Variants in CFAP61 observed in about 807,000 individuals in gnomAD.
CFAP61 encodes the protein cilia- and flagella-associated protein 61.
CFAP61 carries 107 observed loss-of-function variants against 135.6 expected under a neutral mutation model. That is an observed-to-expected ratio of 0.79 (90% CI 0.67 to 0.93). CFAP61 has a LOEUF of 0.93. Among genes scored for constraint, CFAP61 ranks in the 40% least tolerant of loss-of-function variants. CFAP61 has a pLI of 0.00. For synonymous variants in CFAP61, 575 were observed against 578.5 expected (o/e 0.99, Z 0.09); for missense variants, 1,507 against 1,556.2 (o/e 0.97, Z 0.53).
intron 9 of CFAP61, among the ~76,000 whole-genome samples, chr20:20,152,922 T>A (rs2052578286): frequency 6.6e-6 from 1 of 152,156 alleles, no homozygotes; most frequent in Non-Finnish European, 1.5e-5. Context: ...GAATATACAT[T>A]CTTTTCATCA....
At chr20:20,269,175 G>GTATATACACACACACACATACATATATA (rs1569219461) in intron 21 of CFAP61, among the ~76,000 whole-genome samples, 2 of 58,810 alleles carry the variant, frequency 3.4e-5, no homozygotes, top group Admixed American at 1.8e-4. Context: ...ATACATATAT[G>GTATATACACACACACACATACATATATA]TATATACACA....
chr20:20,064,407 T>C (rs1297833841), intron 2 of CFAP61, among the ~76,000 whole-genome samples: 1 of 152,226 alleles, frequency 6.6e-6, no homozygotes, highest in East Asian at 1.9e-4. Context: ...CTTTTCAGCA[T>C]GTCTGAATTA....
In CFAP61 at chr20:20,228,388, C is replaced by A; in HGVS notation, c.2060+12C>A. On this transcript the variant is annotated intron_variant, in intron 18 of 26. Coordinates refer to ENST00000245957, the MANE Select transcript of CFAP61 (RefSeq NM_015585.4). ...ACATTGGTATTTTGGTGAGTTGTTT[C>A]ACTCTATTGATTGATTGGTTTTTAA... The A allele has an allele frequency of 1.3e-6, 2 of 1,599,334 alleles. No individual in the cohort carries two copies. Among genetic ancestry groups the A allele is most frequent in the Non-Finnish European group, 1.7e-6 (2 of 1,167,796 alleles).
At chr20:20,133,969 G>A (rs1277049909) in intron 8 of CFAP61, among the ~76,000 whole-genome samples, 1 of 152,100 alleles carries the variant, frequency 6.6e-6, no homozygotes, top group East Asian at 1.9e-4. Context: ...TCAACCTCTT[G>A]TCATTCATTC....
intron 13 of CFAP61, among the ~76,000 whole-genome samples, chr20:20,187,386 G>T (rs1201276111): frequency 6.6e-6 from 1 of 152,206 alleles, no homozygotes; most frequent in African/African-American, 2.4e-5. Flanking sequence ...GGGATCACAC[G>T]TGAGCAGAGG....
intron 17 of CFAP61, among the ~76,000 whole-genome samples, chr20:20,214,898 GGAGA>G (rs1420898827): frequency 6.6e-6 from 1 of 152,204 alleles, no homozygotes; most frequent in Non-Finnish European, 1.5e-5. Flanking sequence ...GAAGGAGAGT[GGAGA>G]GAGAGAAGCA....
chr20:20,210,234 TTAG>T (rs1165551508), intron 17 of CFAP61, among the ~76,000 whole-genome samples: 2 of 152,188 alleles, frequency 1.3e-5, no homozygotes, highest in Non-Finnish European at 2.9e-5. Context: ...TTTCCTGGCC[TTAG>T]CCAGAGGAAG....
chr20:20,273,204 T>C (rs1337567694), intron 21 of CFAP61, among the ~76,000 whole-genome samples: 1 of 152,084 alleles, frequency 6.6e-6, no homozygotes, highest in Non-Finnish European at 1.5e-5. Flanking sequence ...AATAGCACAT[T>C]AAAGACGTAA....
chr20:20,214,298 T>A lies in CFAP61; in HGVS notation c.1933-13951T>A, dbSNP rs577024961. On this transcript the variant is annotated intron_variant, in intron 17 of 26. Coordinates refer to ENST00000245957, the MANE Select transcript of CFAP61 (RefSeq NM_015585.4). The stretch of plus-strand genomic sequence containing the variant: ...TCGTTTCCACATAATCCCACTTAAG[T>A]TAGTCGCTGGAGTAGCTCCTTTGTG... The A allele has an allele frequency of 1.1e-4, 17 of 152,322 alleles. No homozygotes were observed. In the East Asian group the frequency reaches 2.9e-3, roughly 26 times the overall value. 9.4% of individuals were successfully genotyped at this position (152,322 alleles called of 1,614,324 possible). A position where few individuals can be genotyped will look rare whatever the true frequency, so the allele number is the denominator to read the frequency against.
At chr20:20,069,678 G>A (rs544074392) in intron 2 of CFAP61, 1 of 449,792 alleles carries the variant, frequency 2.2e-6, no homozygotes, top group East Asian at 7.0e-5. Flanking sequence ...GACAGTGGTT[G>A]GTTATCAATG....
chr20:20,095,702 G>T (rs2047515060), intron 7 of CFAP61: 1 of 152,302 alleles, frequency 6.6e-6, no homozygotes, highest in Non-Finnish European at 1.5e-5. Context: ...CCAGGGTGTG[G>T]GCAGCAGTGG....
chr20:20,248,184 G>A (rs1298858874), intron 19 of CFAP61, among the ~76,000 whole-genome samples: 1 of 152,198 alleles, frequency 6.6e-6, no homozygotes, highest in African/African-American at 2.4e-5. Context: ...TCTCAAGCAA[G>A]TGTTAGGGTC....
intron 19 of CFAP61, 52 bp from the exon 20 acceptor site, chr20:20,251,543 A>G: frequency 6.3e-7 from 1 of 1,581,694 alleles, no homozygotes; most frequent in South Asian, 1.1e-5. Flanking sequence ...TGTCTAATTA[A>G]TGCCCGCTGT....
chr20:20,115,575 C>G (rs1568935254), intron 8 of CFAP61, among the ~76,000 whole-genome samples: 1 of 152,002 alleles, frequency 6.6e-6, no homozygotes, highest in Non-Finnish European at 1.5e-5. Context: ...ACAAATTTTC[C>G]TCTCCTCCCC....
chr20:20,341,460 T>C (rs2058442794), intron 25 of CFAP61, among the ~76,000 whole-genome samples: 1 of 152,238 alleles, frequency 6.6e-6, no homozygotes, highest in South Asian at 2.1e-4. Flanking sequence ...TGTGTTATTG[T>C]CTACCCAAAT....
chr20:20,314,683 C>CTCCT (rs2057019298), intron 25 of CFAP61, among the ~76,000 whole-genome samples: 1 of 114,678 alleles, frequency 8.7e-6, no homozygotes. Context: ...CTATCCCTCC[C>CTCCT]CCACCCCCCC....
chr20:20,235,894 G>A (rs1457903521), intron 18 of CFAP61, among the ~76,000 whole-genome samples: 7 of 152,158 alleles, frequency 4.6e-5, no homozygotes, highest in Non-Finnish European at 1.0e-4. Flanking sequence ...CTCTGTGTGA[G>A]ACCCAGAGCA....
intron 17 of CFAP61, among the ~76,000 whole-genome samples, chr20:20,219,255 A>G (rs2048241263): frequency 6.6e-6 from 1 of 152,186 alleles, no homozygotes; most frequent in Admixed American, 6.5e-5. Flanking sequence ...ATTGCTAATA[A>G]AAGTCAATCA....
At position 20,085,789 on chromosome 20, in the gene CFAP61, T is replaced by A. The variant is rs142945624; in HGVS notation, c.567-5055T>A. Among the ~76,000 whole-genome samples, 72 of 152,378 alleles carry A rather than the reference T, an allele frequency of 4.7e-4. No homozygotes were observed. The East Asian group carries it at 0.013, about 27-fold the overall frequency. On this transcript the variant is annotated intron_variant, in intron 6 of 26. Coordinates refer to ENST00000245957, the MANE Select transcript of CFAP61 (RefSeq NM_015585.4). ...TGTTAATAAATATTGATGCAACCTT[T>A]TATTTTTGGCAAAACGTTTGAAAAT...
Sources: gnomAD v4.1 joint callset for allele counts (sites outside exome capture counted in the v4.1 genomes callset) on GRCh38, gnomAD v4.1.1 for gene constraint, MANE v1.5 for transcripts, NCBI Gene and HGNC (gene_info 2026-07-23, HGNC 2026-07-21) for gene names.